Variants in RABGAP1L observed in about 807,000 individuals in gnomAD.
The protein encoded by RABGAP1L is rab GTPase-activating protein 1-like.
A neutral mutation model predicts 137.7 loss-of-function variants in RABGAP1L; 63 were observed. The ratio of observed to expected loss-of-function variants is 0.46; its 90% CI spans 0.37 to 0.56. RABGAP1L has a LOEUF of 0.56. Ranked by LOEUF, RABGAP1L falls within the 20% of genes least tolerant of loss-of-function variation. The pLI is 0.00. For missense variants in RABGAP1L, 1,095 were observed against 1,244.0 expected (o/e 0.88, Z 1.80); for synonymous variants, 431 against 433.7 (o/e 0.99, Z 0.08).
At chr1:174,812,989 A>T (rs1690033173) in intron 19 of RABGAP1L, among the ~76,000 whole-genome samples, 1 of 152,168 alleles carries the variant, frequency 6.6e-6, no homozygotes, top group South Asian at 2.1e-4. Flanking sequence ...ATGAAATGGG[A>T]GTAGTAGGAA....
chr1:174,940,851 TA>T (rs1199523009), intron 19 of RABGAP1L, among the ~76,000 whole-genome samples: 1 of 152,246 alleles, frequency 6.6e-6, no homozygotes, highest in Non-Finnish European at 1.5e-5. Context: ...AAACATCTGT[TA>T]AGACCATCTG....
intron 11 of RABGAP1L, among the ~76,000 whole-genome samples, chr1:174,327,992 T>TATATACATAC (rs1553274554): frequency 5.9e-4 from 34 of 57,594 alleles, no homozygotes; most frequent in African/African-American, 2.7e-3. Flanking sequence ...CACACATATA[T>TATATACATAC]ATATATATAT....
At chr1:174,616,067 C>A (rs1008130196) in intron 13 of RABGAP1L, among the ~76,000 whole-genome samples, 2 of 152,224 alleles carry the variant, frequency 1.3e-5, no homozygotes, top group Admixed American at 6.5e-5. Context: ...TTGGCTCGCA[C>A]ACAGTGCGCT....
At chr1:174,716,863 A>ACCAGACAC (rs1681062611) in intron 17 of RABGAP1L, among the ~76,000 whole-genome samples, 1 of 152,092 alleles carries the variant, frequency 6.6e-6, no homozygotes, top group Non-Finnish European at 1.5e-5. Flanking sequence ...TCTGGTAATT[A>ACCAGACAC]TTTCTTAAGG....
chr1:174,488,214 A>T (rs1436354504), intron 13 of RABGAP1L, among the ~76,000 whole-genome samples: 1 of 151,834 alleles, frequency 6.6e-6, no homozygotes, highest in Non-Finnish European at 1.5e-5. Context: ...TGTAGAACAG[A>T]TCTAGTGTTT....
At chr1:174,487,450 C>T (rs1289182950) in intron 13 of RABGAP1L, among the ~76,000 whole-genome samples, 1 of 152,098 alleles carries the variant, frequency 6.6e-6, no homozygotes, top group Non-Finnish European at 1.5e-5. Flanking sequence ...ACTACTCCTA[C>T]TTTTTTGGTT....
intron 18 of RABGAP1L, among the ~76,000 whole-genome samples, chr1:174,770,623 C>G (rs1387782740): frequency 6.6e-6 from 1 of 152,188 alleles, no homozygotes; most frequent in African/African-American, 2.4e-5. Flanking sequence ...AATCCAGTTT[C>G]CTCCTTGTTC....
At chr1:174,720,307 G>T (rs1267977149) in intron 17 of RABGAP1L, among the ~76,000 whole-genome samples, 1 of 118,244 alleles carries the variant, frequency 8.5e-6, no homozygotes, top group Non-Finnish European at 2.0e-5. Context: ...ACAGATAGTT[G>T]GTTTTTTTTT....
At chr1:174,619,258 G>GGCAA (rs1672210956) in intron 13 of RABGAP1L, among the ~76,000 whole-genome samples, 2 of 152,156 alleles carry the variant, frequency 1.3e-5, no homozygotes, top group Admixed American at 6.5e-5. Context: ...TAGCAAGGCA[G>GGCAA]GCAACATTCA....
At chr1:174,765,575 C>T (rs1685599171) in intron 18 of RABGAP1L, among the ~76,000 whole-genome samples, 2 of 151,922 alleles carry the variant, frequency 1.3e-5, no homozygotes, top group Non-Finnish European at 1.5e-5. Flanking sequence ...GCTGTGACTA[C>T]GTGTGTGCCA....
intron 19 of RABGAP1L, among the ~76,000 whole-genome samples, chr1:174,857,524 A>C (rs946838104): frequency 1.3e-5 from 2 of 152,174 alleles, no homozygotes; most frequent in Admixed American, 1.3e-4. Flanking sequence ...TATATTTATG[A>C]GTAAATATAG....
chr1:174,310,869 C>T (rs193184662), intron 11 of RABGAP1L, among the ~76,000 whole-genome samples: 8 of 152,136 alleles, frequency 5.3e-5, no homozygotes, highest in African/African-American at 1.9e-4. Context: ...TTCTCTCATA[C>T]TCATTCTCTC....
chr1:174,841,206 A>G (rs1258655467), intron 19 of RABGAP1L, among the ~76,000 whole-genome samples: 1 of 152,210 alleles, frequency 6.6e-6, no homozygotes, highest in Non-Finnish European at 1.5e-5. Flanking sequence ...AGAATGTCAA[A>G]TAAAACATTC....
At chr1:174,581,614 C>T (rs2062121297) in intron 13 of RABGAP1L, among the ~76,000 whole-genome samples, 1 of 152,098 alleles carries the variant, frequency 6.6e-6, no homozygotes, top group South Asian at 2.1e-4. Flanking sequence ...TGTTTTAAAC[C>T]TCGACTTGTG....
At chr1:174,296,098 A>C (rs1371433266) in intron 10 of RABGAP1L, among the ~76,000 whole-genome samples, 2 of 152,194 alleles carry the variant, frequency 1.3e-5, no homozygotes, top group Non-Finnish European at 2.9e-5. Flanking sequence ...AATCATAAGA[A>C]CATGATGTCA....
chr1:174,464,327 A>G (rs566721814), intron 13 of RABGAP1L, among the ~76,000 whole-genome samples: 5 of 127,172 alleles, frequency 3.9e-5, no homozygotes, highest in African/African-American at 2.1e-4. Context: ...CTCTTTAACT[A>G]CTTTCACAGA....
intron 14 of RABGAP1L, among the ~76,000 whole-genome samples, chr1:174,640,949 TATA>T (rs1374653838): frequency 6.9e-6 from 1 of 144,136 alleles, no homozygotes; most frequent in Non-Finnish European, 1.5e-5. Context: ...TTAAATATAA[TATA>T]ATATATTATA....
rs34724195 is a variant in RABGAP1L at position 174,879,397 on chromosome 1, C to CTT, written c.2340+67445_2340+67446dup. The stretch of plus-strand genomic sequence containing the variant: ...ACAGGCGTGAGTCACGGTGCACAGC[C>CTT]TTTTTTTTTGTATTTTTAGTAGAGA... On this transcript the variant is annotated intron_variant, in intron 19 of 25. Coordinates refer to ENST00000681986, the MANE Select transcript of RABGAP1L (RefSeq NM_001366446.1). Among the ~76,000 whole-genome samples, 390 of 150,324 alleles carry CTT rather than the reference C, an allele frequency of 2.6e-3. 6 individuals are homozygous for CTT. Among genetic ancestry groups the CTT allele is most frequent in the South Asian group, 0.019 (88 of 4,738 alleles).
intron 17 of RABGAP1L, among the ~76,000 whole-genome samples, chr1:174,737,922 G>C (rs1033531960): frequency 1.3e-5 from 2 of 152,172 alleles, no homozygotes; most frequent in Admixed American, 1.3e-4. Context: ...ACCAGAGCCA[G>C]AATTCACTCA....
Sources: allele counts gnomAD v4.1 joint callset (sites outside exome capture counted in the v4.1 genomes callset), GRCh38; gene constraint gnomAD v4.1.1; transcripts MANE v1.5; gene names NCBI Gene and HGNC (gene_info 2026-07-23, HGNC 2026-07-21).